IKBIP: variants seen among roughly 807,000 people sequenced by gnomAD.
IKBIP encodes the protein IKBKB interacting protein.
In IKBIP, 28 loss-of-function variants were observed where a neutral mutation model predicts 31.0. The ratio of observed to expected loss-of-function variants is 0.90; its 90% CI spans 0.67 to 1.24. IKBIP has a LOEUF of 1.24. Among genes scored for constraint, IKBIP ranks in the 50% most tolerant of loss-of-function variants. The pLI is 0.00. For missense variants in IKBIP, 453 were observed against 441.9 expected (o/e 1.03, Z -0.23); for synonymous variants, 164 against 160.3 (o/e 1.02, Z -0.17).
At chr12:98,614,992 G>A (rs760624054) in intron 2 of IKBIP, among the ~76,000 whole-genome samples, 22 of 152,170 alleles carry the variant, frequency 1.4e-4, no homozygotes, top group Non-Finnish European at 2.6e-4. Flanking sequence ...GGAAAAGGAA[G>A]TTTCCTCCAG....
At chr12:98,642,279 A>G (rs1291241154) in intron 1 of IKBIP, among the ~76,000 whole-genome samples, 2 of 152,058 alleles carry the variant, frequency 1.3e-5, no homozygotes, top group Non-Finnish European at 2.9e-5. Flanking sequence ...CTCCTGCCTC[A>G]ACCTCTGAGT....
intron 1 of IKBIP, among the ~76,000 whole-genome samples, chr12:98,638,893 C>T (rs1387134450): frequency 3.3e-5 from 5 of 151,974 alleles, no homozygotes; most frequent in Admixed American, 6.6e-5. Flanking sequence ...GCGATCCTCT[C>T]GCCTTGGCCT....
intron 2 of IKBIP, among the ~76,000 whole-genome samples, chr12:98,617,219 TAAAAG>T (rs1417800041): frequency 6.6e-6 from 1 of 152,200 alleles, no homozygotes; most frequent in African/African-American, 2.4e-5. Context: ...GACAGATAAG[TAAAAG>T]AAAAGAATTT....
At chr12:98,639,658 C>G (rs1000657891) in intron 1 of IKBIP, among the ~76,000 whole-genome samples, 3 of 152,170 alleles carry the variant, frequency 2.0e-5, no homozygotes, top group Admixed American at 2.0e-4. Flanking sequence ...TGTGTTGCCT[C>G]TGAATAGCTC....
intron 2 of IKBIP, among the ~76,000 whole-genome samples, chr12:98,632,512 A>T (rs7488351): frequency 8.8e-4 from 20 of 22,756 alleles, no homozygotes; most frequent in African/African-American, 1.9e-3. Flanking sequence ...AAAAAAAAAA[A>T]ATATATATAT....
intron 1 of IKBIP, among the ~76,000 whole-genome samples, chr12:98,640,363 G>A (rs1040730141): frequency 2.6e-5 from 4 of 152,080 alleles, no homozygotes; most frequent in Non-Finnish European, 5.9e-5. Context: ...GAACCTGGGA[G>A]GTGGAGGTGG....
At chr12:98,615,359 A>G (rs567814086) in intron 2 of IKBIP, among the ~76,000 whole-genome samples, 47 of 152,174 alleles carry the variant, frequency 3.1e-4, no homozygotes, top group African/African-American at 1.1e-3. Context: ...CAGTCTCCAG[A>G]GTAGATGGTA....
chr12:98,615,859 T>TTG (rs1278718350), intron 2 of IKBIP, among the ~76,000 whole-genome samples: 2 of 152,128 alleles, frequency 1.3e-5, no homozygotes, highest in Non-Finnish European at 2.9e-5. Context: ...GAACCGCATT[T>TTG]TGTGTGTGTG....
In IKBIP at chr12:98,625,893, T is replaced by A; in HGVS notation, c.*37A>T. 7.4e-7 allele frequency: 1 copy of A among 1,345,276 alleles called. No homozygotes were observed. The highest frequency in any genetic ancestry group is 2.7e-5 in the Admixed American group (1 of 36,546). 83.3% of individuals were successfully genotyped at this position (1,345,276 alleles called of 1,614,324 possible). A position where few individuals can be genotyped will look rare whatever the true frequency, so the allele number is the denominator to read the frequency against. On this transcript the variant is annotated 3_prime_UTR_variant, in exon 3 of 3. Transcript: ENST00000299157. ...AAATCAATGGACTAATCAATTTATG[T>A]ATAATGATATGGTTCATCAGAATAA...
At chr12:98,634,533 G>GT in intron 1 of IKBIP, 120 bp from the exon 2 acceptor site, 7 of 453,340 alleles carry the variant, frequency 1.5e-5, no homozygotes, top group South Asian at 5.4e-5. Flanking sequence ...GGTAGCTGTA[G>GT]GTTTTTTTTT....
chr12:98,619,191 T>G (rs2097608189), intron 2 of IKBIP, among the ~76,000 whole-genome samples: 1 of 152,238 alleles, frequency 6.6e-6, no homozygotes. Context: ...AAATCACATT[T>G]TATTTTTAAG....
rs564435623 is a variant in IKBIP at position 98,642,001 on chromosome 12, T to C, written c.179+2522A>G. Among the ~76,000 whole-genome samples the C allele has an allele frequency of 6.6e-5, 10 of 152,254 alleles. No homozygotes were observed. The South Asian group carries it at 1.2e-3, about 19-fold the overall frequency. On this transcript the variant is annotated intron_variant, in intron 1 of 2. Coordinates refer to ENST00000299157, the MANE Select transcript of IKBIP (RefSeq NM_153687.4). ...GCATTGTGTTATCATTTTGCAAACA[T>C]AGTTCAAATTAAATCTTCCTAATGA...
chr12:98,642,599 CTTTTTTTTTTT>C (rs11380575), intron 1 of IKBIP, among the ~76,000 whole-genome samples: 1 of 115,278 alleles, frequency 8.7e-6, no homozygotes, highest in Non-Finnish European at 1.7e-5. Context: ...ATGCTATCTG[CTTTTTTTTTTT>C]TTTTTTTTGA....
chr12:98,627,125 T>G (rs2153297277), intron 2 of IKBIP, among the ~76,000 whole-genome samples: 1 of 151,430 alleles, frequency 6.6e-6, no homozygotes, highest in South Asian at 2.1e-4. Context: ...CGCGCCACTA[T>G]GCCTAGCTAA....
At chr12:98,627,101 T>C (rs750491421) in intron 2 of IKBIP, among the ~76,000 whole-genome samples, 5 of 151,934 alleles carry the variant, frequency 3.3e-5, no homozygotes, top group African/African-American at 4.8e-5. Context: ...CCTGAGTAGC[T>C]GGGATTACAG....
Position 98,614,341 on chromosome 12 carries a change from C to T in IKBIP, c.298-1G>A, listed in dbSNP as rs1217379561. 2.0e-6 allele frequency: 3 copies of T among 1,494,336 alleles called. No homozygotes were observed. Among genetic ancestry groups the T allele is most frequent in the Non-Finnish European group, 2.7e-6 (3 of 1,107,706 alleles). The allele number at this position is 1,494,336 out of a possible 1,614,324, so 92.6% of individuals were successfully genotyped here. A position where few individuals can be genotyped will look rare whatever the true frequency, so the allele number is the denominator to read the frequency against. ...CCATGATAGCTTCAGATTTCTGCCA[C>T]TATAAGAAAATATAATATCACAATG... is the stretch of plus-strand genomic sequence containing the variant. On this transcript the variant is annotated splice_acceptor_variant, in intron 2 of 2. Transcript: ENST00000342502. LOFTEE classifies it high-confidence loss of function.
chr12:98,628,031 T>C (rs1290623700), intron 2 of IKBIP, among the ~76,000 whole-genome samples: 3 of 152,322 alleles, frequency 2.0e-5, no homozygotes, highest in South Asian at 4.1e-4. Flanking sequence ...GAAGGCCAAG[T>C]CATTGACCTC....
intron 1 of IKBIP, among the ~76,000 whole-genome samples, chr12:98,636,449 T>G (rs546381513): frequency 2.6e-5 from 4 of 152,234 alleles, no homozygotes; most frequent in Non-Finnish European, 5.9e-5. Flanking sequence ...TCTGAGTAAA[T>G]GCAGTTATCT....
chr12:98,642,599 CT>C (rs11380575), intron 1 of IKBIP, among the ~76,000 whole-genome samples: 72 of 115,274 alleles, frequency 6.2e-4, no homozygotes, highest in Middle Eastern at 0.013. Context: ...ATGCTATCTG[CT>C]TTTTTTTTTT....
Sources: allele counts gnomAD v4.1 joint callset (sites outside exome capture counted in the v4.1 genomes callset), GRCh38; gene constraint gnomAD v4.1.1; transcripts MANE v1.5; gene names NCBI Gene and HGNC (gene_info 2026-07-23, HGNC 2026-07-21).